SERP2: variants seen among roughly 807,000 people sequenced by gnomAD.
The protein encoded by SERP2 is stress associated endoplasmic reticulum protein family member 2.
In SERP2, 6 loss-of-function variants were observed where a neutral mutation model predicts 9.1. That is an observed-to-expected ratio of 0.66 (90% CI 0.36 to 1.30). The LOEUF (loss-of-function observed/expected upper bound fraction) is 1.30. Among genes scored for constraint, SERP2 ranks in the 50% most tolerant of loss-of-function variants. The probability of loss-of-function intolerance (pLI) is 0.03; values close to 1 mark genes in which losing one functional copy is unlikely to be tolerated. For missense variants in SERP2, 58 were observed against 81.9 expected, an observed-to-expected ratio of 0.71 and a Z score of 1.13; for synonymous variants, 37 against 27.3, an observed-to-expected ratio of 1.35 and a Z score of -1.10.
intron 2 of SERP2, among the ~76,000 whole-genome samples, chr13:44,383,603 A>G (rs1474159885): frequency 1.0e-4 from 14 of 133,928 alleles, no homozygotes; most frequent in Non-Finnish European, 9.2e-5. Flanking sequence ...GCTGGAGTGC[A>G]GTGGCGCAAT....
intron 2 of SERP2, among the ~76,000 whole-genome samples, chr13:44,383,449 G>T (rs1334324183): frequency 1.3e-5 from 2 of 152,022 alleles, no homozygotes; most frequent in Admixed American, 1.3e-4. Context: ...TGGGTAAATT[G>T]GGACATTTGC....
At chr13:44,383,551 T>TG (rs1872135827) in intron 2 of SERP2, among the ~76,000 whole-genome samples, 1 of 142,384 alleles carries the variant, frequency 7.0e-6, no homozygotes, top group Admixed American at 6.9e-5. Context: ...TGCGTTTTTT[T>TG]TGTTTTTTTT....
chr13:44,390,439 CA>C (rs1047531380), intron 2 of SERP2: 7 of 456,550 alleles, frequency 1.5e-5, no homozygotes, highest in African/African-American at 1.4e-4. Context: ...ACCCCACCCC[CA>C]AGACCGGCAA....
intron 1 of SERP2, among the ~76,000 whole-genome samples, chr13:44,376,723 C>T (rs1871672190): frequency 1.3e-5 from 2 of 151,754 alleles, no homozygotes; most frequent in Admixed American, 1.3e-4. Context: ...TGCAGTCAGC[C>T]GAGATCACGC....
intron 2 of SERP2, among the ~76,000 whole-genome samples, chr13:44,382,112 T>C (rs1872015232): frequency 6.6e-6 from 1 of 152,068 alleles, no homozygotes; most frequent in African/African-American, 2.4e-5. Flanking sequence ...TTATGACTTT[T>C]TTTTTTATTC....
At chr13:44,387,844 C>T (rs1015974696) in intron 2 of SERP2, among the ~76,000 whole-genome samples, 2 of 152,194 alleles carry the variant, frequency 1.3e-5, no homozygotes, top group African/African-American at 4.8e-5. Context: ...GACTATTTCT[C>T]CCTCATGTAT....
intron 2 of SERP2, among the ~76,000 whole-genome samples, chr13:44,388,444 G>A (rs190895699): frequency 6.6e-6 from 1 of 152,292 alleles, no homozygotes; most frequent in East Asian, 1.9e-4. Flanking sequence ...TCGCCAGAGG[G>A]GAGCACACAT....
intron 2 of SERP2, chr13:44,395,807 G>A (rs1426360539): frequency 1.3e-5 from 6 of 456,758 alleles, no homozygotes; most frequent in South Asian, 3.1e-5. Flanking sequence ...CTTAGTCTAC[G>A]GCAACAAAAT....
At position 44,395,964 on chromosome 13, in the gene SERP2, G is replaced by A. The variant is rs144811686; in HGVS notation, c.158-1308G>A. The A allele has an allele frequency of 2.8e-4, 116 of 419,866 alleles. 4 individuals are homozygous for A. Among genetic ancestry groups the A allele is most frequent in the South Asian group, 1.8e-3 (103 of 56,836 alleles). 26.0% of individuals were successfully genotyped at this position (419,866 alleles called of 1,614,324 possible). A position where few individuals can be genotyped will look rare whatever the true frequency, so the allele number is the denominator to read the frequency against. ...GAAGCATTTCAGTGTCAGATCACAC[G>A]CAGCCTCCTCTGTAATGAGATCACA... On this transcript the variant is annotated intron_variant, in intron 2 of 2. Coordinates refer to ENST00000379179, the MANE Select transcript of SERP2 (RefSeq NM_001010897.3).
At position 44,397,709 on chromosome 13, in the gene SERP2, AC is replaced by A; in HGVS notation, c.*399del. 4.6e-6 allele frequency: 1 copy of A among 219,466 alleles called. No individual in the cohort carries two copies. The highest frequency in any genetic ancestry group is 2.3e-5 in the African/African-American group (1 of 42,970). 13.6% of individuals were successfully genotyped at this position (219,466 alleles called of 1,614,324 possible). A position where few individuals can be genotyped will look rare whatever the true frequency, so the allele number is the denominator to read the frequency against. On this transcript the variant is annotated 3_prime_UTR_variant, in exon 3 of 3. Coordinates refer to ENST00000379179, the MANE Select transcript of SERP2 (RefSeq NM_001010897.3). ...TTTTACAAATAAATGTCTTCGTTCA[AC>A]CTTATACCATGTGTGGGTTACAGTG...
chr13:44,382,232 T>TC (rs1872024496), intron 2 of SERP2, among the ~76,000 whole-genome samples: 1 of 151,402 alleles, frequency 6.6e-6, no homozygotes, highest in African/African-American at 2.4e-5. Context: ...GGTCAGGAGA[T>TC]AAGACCATCC....
At chr13:44,374,567 T>TTGAA (rs1039852505) in intron 1 of SERP2, among the ~76,000 whole-genome samples, 1 of 152,192 alleles carries the variant, frequency 6.6e-6, no homozygotes, top group Admixed American at 6.5e-5. Flanking sequence ...AGAACGTTTG[T>TTGAA]TGAATGAATG....
chr13:44,383,544 G>GTTTTTGTT (rs1566091595), intron 2 of SERP2, among the ~76,000 whole-genome samples: 4 of 91,824 alleles, frequency 4.4e-5, no homozygotes, highest in Non-Finnish European at 6.3e-5. Context: ...GGAGGTTTGC[G>GTTTTTGTT]TTTTTTTTGT....
rs938587658 is a variant in SERP2, at chr13:44,373,948, G to T, written c.-78G>T. The T allele has an allele frequency of 7.3e-7, 1 of 1,369,180 alleles. No homozygotes were observed. The highest frequency in any genetic ancestry group is 1.3e-5 in the South Asian group (1 of 78,662). 84.8% of individuals were successfully genotyped at this position (1,369,180 alleles called of 1,614,324 possible). A position where few individuals can be genotyped will look rare whatever the true frequency, so the allele number is the denominator to read the frequency against. On this transcript the variant is annotated 5_prime_UTR_variant, in exon 1 of 3. Transcript: ENST00000379179. This position sits in a 1 kb window ranked among gnomAD's most constrained non-coding sequence, Gnocchi z 4.8. ...CCGGGTGGGCCGCGGGGGCCTCGGC[G>T]GGACGCGCTCGGCCCTGTCGCAGGA...
chr13:44,394,070 G>C (rs1872941300), intron 2 of SERP2, among the ~76,000 whole-genome samples: 1 of 152,198 alleles, frequency 6.6e-6, no homozygotes, highest in Non-Finnish European at 1.5e-5. Flanking sequence ...AACTAGGTAA[G>C]TTGTTTTAAT....
intron 2 of SERP2, among the ~76,000 whole-genome samples, chr13:44,397,070 T>A (rs1041703373): frequency 6.6e-6 from 1 of 152,180 alleles, no homozygotes; most frequent in Non-Finnish European, 1.5e-5. Context: ...CCCTGAGGCA[T>A]CCATCAGCCG....
chr13:44,379,836 T>G, intron 2 of SERP2, 123 bp downstream of exon 2: 1 of 650,832 alleles, frequency 1.5e-6, no homozygotes, highest in Non-Finnish European at 2.7e-6. Flanking sequence ...TATCACTGCC[T>G]TAAGCCTTAA....
At chr13:44,394,784 T>G (rs1245009072) in intron 2 of SERP2, among the ~76,000 whole-genome samples, 1 of 152,218 alleles carries the variant, frequency 6.6e-6, no homozygotes, top group Non-Finnish European at 1.5e-5. Flanking sequence ...TAAGCACTGG[T>G]CTGCATGCTG....
intron 1 of SERP2, 52 bp downstream of exon 1, chr13:44,374,161 G>GT: frequency 1.7e-6 from 1 of 588,648 alleles, no homozygotes; most frequent in Non-Finnish European, 2.6e-6. Flanking sequence ...CGGCGGGGTG[G>GT]GGCGGAAGGT....
Sources: gnomAD v4.1 joint callset for allele counts (sites outside exome capture counted in the v4.1 genomes callset) on GRCh38, gnomAD v4.1.1 for gene constraint, Gnocchi (gnomAD v3.1) non-coding constraint, MANE v1.5 for transcripts, NCBI Gene and HGNC (gene_info 2026-07-23, HGNC 2026-07-21) for gene names.